Variants in ACCSL observed in about 807,000 individuals in gnomAD.
ACCSL encodes probable inactive 1-aminocyclopropane-1-carboxylate synthase-like protein 2.
Under a neutral mutation model 61.7 loss-of-function variants are expected in ACCSL, and 55 were observed. The ratio of observed to expected loss-of-function variants is 0.89; its 90% CI spans 0.72 to 1.12. The LOEUF (loss-of-function observed/expected upper bound fraction) is 1.12, where lower values mean the gene tolerates loss of function less well. Among genes scored for constraint, ACCSL ranks in the 50% most tolerant of loss-of-function variants. The pLI is 0.00. For missense variants in ACCSL, 632 were observed against 698.0 expected, an observed-to-expected ratio of 0.91 and a Z score of 1.07; for synonymous variants, 258 against 264.3, an observed-to-expected ratio of 0.98 and a Z score of 0.23.
At chr11:43,994,277 A>C in the ACCSL span, among the ~76,000 whole-genome samples, 1 of 152,222 alleles carries the variant, frequency 6.6e-6, no homozygotes, top group Non-Finnish European at 1.5e-5. Context: ...CAGGAAATAT[A>C]GTCCTCACTG....
intron 9 of ACCSL, 137 bp from the exon 10 acceptor site, chr11:44,055,903 C>A (rs1325654875): frequency 6.1e-6 from 6 of 981,606 alleles, no homozygotes; most frequent in Non-Finnish European, 9.1e-6. Context: ...TTAACTGGGA[C>A]AACTGTTTCT....
the ACCSL span, among the ~76,000 whole-genome samples, chr11:43,996,584 G>A: frequency 1.3e-5 from 2 of 152,168 alleles, no homozygotes; most frequent in African/African-American, 4.8e-5. Context: ...GGGGGTGACA[G>A]GACCAGGTTT....
the ACCSL span, among the ~76,000 whole-genome samples, chr11:44,000,740 A>G: frequency 1.3e-5 from 2 of 151,808 alleles, no homozygotes; most frequent in Non-Finnish European, 2.9e-5. Context: ...AAAGAAAGAA[A>G]GAAAGAAAGA....
chr11:44,056,595 G>A (rs1015100078), intron 11 of ACCSL, among the ~76,000 whole-genome samples: 2 of 152,206 alleles, frequency 1.3e-5, no homozygotes, highest in East Asian at 1.9e-4. Flanking sequence ...CACTTTGGGA[G>A]GCCGAGGTGG....
chr11:43,988,967 C>T, the ACCSL span, among the ~76,000 whole-genome samples: 156 of 152,132 alleles, frequency 1.0e-3, no homozygotes, highest in African/African-American at 3.5e-3. Context: ...GGTCCTCACC[C>T]GCAGCCAAAA....
chr11:43,965,038 G>A, the ACCSL span, among the ~76,000 whole-genome samples: 2 of 152,226 alleles, frequency 1.3e-5, no homozygotes, highest in African/African-American at 4.8e-5. Context: ...ACAAGACAAG[G>A]ATGCCTGCTT....
the ACCSL span, among the ~76,000 whole-genome samples, chr11:44,038,097 G>A: frequency 1.3e-5 from 2 of 152,160 alleles, no homozygotes; most frequent in South Asian, 2.1e-4. Context: ...TATATAGTAT[G>A]CTTGAAGGGG....
the ACCSL span, among the ~76,000 whole-genome samples, chr11:43,981,875 A>C: frequency 6.6e-6 from 1 of 152,214 alleles, no homozygotes; most frequent in Non-Finnish European, 1.5e-5. Context: ...GCAACTTCAC[A>C]GACTCCTTTT....
chr11:44,014,824 C>T, the ACCSL span, among the ~76,000 whole-genome samples: 6 of 152,156 alleles, frequency 3.9e-5, no homozygotes, highest in Non-Finnish European at 8.8e-5. Context: ...GGAGAGACAC[C>T]TGGTGAGAGA....
rs1197962341 is a variant in ACCSL, at chr11:44,056,069, T to A, written c.1169T>A (p.Ile390Asn). 6.2e-7 allele frequency: 1 copy of A among 1,614,136 alleles called. No individual in the cohort carries two copies. ...CCTGATAGCAACAGGACCCATGTGA[T>A]CTGGGGTACCAGTAAGGTGAGCCAT... ...SLPDSNRTHV[I>N]WGTSKDFGIS... The change falls in exon 10 of 14, where the codon ATC (isoleucine) becomes AAC (asparagine). Residue 390 changes from isoleucine (I) to asparagine (N), a missense_variant. Ile to Asn is a moderately radical substitution (Grantham distance 149). Coordinates refer to ENST00000378832, the MANE Select transcript of ACCSL (RefSeq NM_001031854.2).
the ACCSL span, among the ~76,000 whole-genome samples, chr11:44,018,944 A>G: frequency 6.6e-6 from 1 of 152,262 alleles, no homozygotes; most frequent in South Asian, 2.1e-4. Context: ...TTTGATACCC[A>G]TTAATTCTCC....
At chr11:43,932,118 A>C in the ACCSL span, among the ~76,000 whole-genome samples, 1 of 152,220 alleles carries the variant, frequency 6.6e-6, no homozygotes, top group Non-Finnish European at 1.5e-5. Flanking sequence ...CTTGGAATCC[A>C]TTAAAAAATT....
At chr11:44,035,408 A>T in the ACCSL span, among the ~76,000 whole-genome samples, 1 of 151,796 alleles carries the variant, frequency 6.6e-6, no homozygotes, top group Admixed American at 6.6e-5. Flanking sequence ...GTCATTTTCA[A>T]CTGTGGTTAA....
chr11:44,016,047 A>C, the ACCSL span, among the ~76,000 whole-genome samples: 1 of 152,032 alleles, frequency 6.6e-6, no homozygotes, highest in Admixed American at 6.5e-5. Context: ...CTAGCCTGCT[A>C]TTTTTTTCTC....
At chr11:43,943,052 C>G in the ACCSL span, 1 of 1,499,188 alleles carries the variant, frequency 6.7e-7, no homozygotes. This position sits in a 1 kb window ranked among gnomAD's most constrained non-coding sequence, Gnocchi z 4.8. Context: ...GCGGCCGCGC[C>G]AGTCTCGCTT....
chr11:44,050,347 A>G (rs960657062), intron 2 of ACCSL, among the ~76,000 whole-genome samples: 2 of 152,346 alleles, frequency 1.3e-5, no homozygotes, highest in Admixed American at 1.3e-4. Flanking sequence ...CCTCTGGGTC[A>G]AATACTTCCC....
At chr11:44,001,557 G>A in the ACCSL span, among the ~76,000 whole-genome samples, 1,499 of 152,064 alleles carry the variant, frequency 9.9e-3, 29 homozygotes, top group African/African-American at 0.034. Flanking sequence ...CTGGCTTGTC[G>A]GGGGCAGAGT....
At chr11:43,967,404 C>A in the ACCSL span, among the ~76,000 whole-genome samples, 1 of 151,834 alleles carries the variant, frequency 6.6e-6, no homozygotes, top group Non-Finnish European at 1.5e-5. Flanking sequence ...GTCTCAAACT[C>A]CCGACCTCAG....
the ACCSL span, among the ~76,000 whole-genome samples, chr11:43,927,994 G>C: frequency 6.6e-6 from 1 of 152,224 alleles, no homozygotes; most frequent in Non-Finnish European, 1.5e-5. Flanking sequence ...AGTGGAACAA[G>C]GGGTCCTGAT....
Sources: allele counts gnomAD v4.1 joint callset (sites outside exome capture counted in the v4.1 genomes callset), GRCh38; gene constraint gnomAD v4.1.1; non-coding constraint Gnocchi (gnomAD v3.1); transcripts MANE v1.5; gene names NCBI Gene and HGNC (gene_info 2026-07-23, HGNC 2026-07-21).